The following NGEF variants were observed in gnomAD, a reference collection of about 807,000 sequenced individuals.
NGEF encodes the protein neuronal guanine nucleotide exchange factor.
In NGEF, 31 loss-of-function variants were observed where a neutral mutation model predicts 80.9. The observed-to-expected ratio is 0.38, with a 90% CI of 0.29 to 0.52. The LOEUF is 0.52. NGEF is among the 20% of genes least tolerant of loss of function. The pLI is 0.84. For synonymous variants in NGEF, 371 were observed against 370.2 expected, an observed-to-expected ratio of 1.00 and a Z score of -0.03; for missense variants, 709 against 926.2, an observed-to-expected ratio of 0.77 and a Z score of 3.04.
intron 1 of NGEF, among the ~76,000 whole-genome samples, chr2:233,006,695 A>G (rs758344914): frequency 2.0e-5 from 3 of 152,204 alleles, no homozygotes; most frequent in African/African-American, 7.2e-5. Context: ...AAATTTTGCA[A>G]GGGCCAAGAG....
chr2:232,970,463 C>T, intron 2 of NGEF, 135 bp from the exon 3 acceptor site: 1 of 581,706 alleles, frequency 1.7e-6, no homozygotes, highest in Non-Finnish European at 3.0e-6. Context: ...GTGTCCCTCC[C>T]CTCACTCCCT....
chr2:232,972,743 C>CGTT (rs1378841965), intron 2 of NGEF, among the ~76,000 whole-genome samples: 3 of 135,768 alleles, frequency 2.2e-5, no homozygotes, highest in Non-Finnish European at 4.7e-5. Flanking sequence ...ATGTCCTTAT[C>CGTT]CTTTTTTTTT....
At chr2:232,982,907 G>A (rs1350933586) in intron 1 of NGEF, among the ~76,000 whole-genome samples, 1 of 152,214 alleles carries the variant, frequency 6.6e-6, no homozygotes, top group East Asian at 1.9e-4. Context: ...TTTCTGGCTT[G>A]GCAGAAAAGT....
intron 1 of NGEF, among the ~76,000 whole-genome samples, chr2:232,992,989 GTATATATATATA>G (rs142264252): frequency 2.5e-5 from 3 of 121,296 alleles, no homozygotes; most frequent in African/African-American, 1.0e-4. Flanking sequence ...CCTGCCTGAA[GTATATATATATA>G]TATACACACA....
intron 5 of NGEF, among the ~76,000 whole-genome samples, chr2:232,907,734 A>C (rs921222676): frequency 1.3e-5 from 2 of 152,216 alleles, no homozygotes; most frequent in Admixed American, 1.3e-4. Context: ...TATAGATGAA[A>C]TGTTCTATTT....
At chr2:232,891,003 A>G (rs778336085) in intron 8 of NGEF, 177 of 484,116 alleles carry the variant, frequency 3.7e-4, no homozygotes, top group Non-Finnish European at 6.7e-4. Flanking sequence ...ACCTGCCCCC[A>G]CCAGCTCCTC....
Position 232,883,448 on chromosome 2 carries a change from A to G in NGEF, c.1620T>C (p.Phe540=). The change falls in exon 12 of 15, where the codon TTT becomes TTC. Residue 540 remains phenylalanine, a synonymous_variant. Coordinates refer to ENST00000264051, the MANE Select transcript of NGEF (RefSeq NM_019850.3). ...RQIPGDKYQV[F]DSAPRGLLRV... is the part of the protein sequence containing the mutation. ...GCAGCAGTCCCCGCGGAGCTGAGTCAAATACCTGGTACTTGTCTCTGGAGA... is the reference window on the plus strand; with the variant it reads ...GCAGCAGTCCCCGCGGAGCTGAGTCGAATACCTGGTACTTGTCTCTGGAGA... 1 of 1,604,204 alleles carries G rather than the reference A, an allele frequency of 6.2e-7. No homozygotes were observed. The highest frequency in any genetic ancestry group is 1.1e-5 in the South Asian group (1 of 89,266).
chr2:232,953,046 G>A (rs1673298938), intron 3 of NGEF, among the ~76,000 whole-genome samples: 1 of 148,048 alleles, frequency 6.8e-6, no homozygotes, highest in Admixed American at 6.8e-5. Flanking sequence ...GCTCACGCCT[G>A]TAATCCCAGC....
chr2:232,958,311 G>A (rs146976153), intron 3 of NGEF, among the ~76,000 whole-genome samples: 15 of 152,244 alleles, frequency 9.9e-5, no homozygotes, highest in African/African-American at 3.6e-4. Flanking sequence ...GAGCTGCACG[G>A]AGTGTTCATC....
intron 5 of NGEF, among the ~76,000 whole-genome samples, chr2:232,909,382 G>A (rs1692645268): frequency 6.6e-6 from 1 of 151,980 alleles, no homozygotes; most frequent in African/African-American, 2.4e-5. Context: ...CTTGCTTAAT[G>A]TATATGATTC....
chr2:232,949,375 C>T (rs547620173), intron 3 of NGEF, among the ~76,000 whole-genome samples: 1 of 152,284 alleles, frequency 6.6e-6, no homozygotes. Flanking sequence ...TCAGGATAGA[C>T]TCTGGGTCAA....
chr2:233,001,940 G>A (rs997286562), intron 1 of NGEF, among the ~76,000 whole-genome samples: 8 of 152,022 alleles, frequency 5.3e-5, no homozygotes, highest in Admixed American at 3.9e-4. Flanking sequence ...GCTTGAACCC[G>A]GGAGACGGAG....
At chr2:232,995,289 A>G (rs1229396094) in intron 1 of NGEF, among the ~76,000 whole-genome samples, 1 of 67,976 alleles carries the variant, frequency 1.5e-5, no homozygotes, top group Non-Finnish European at 2.5e-5. Flanking sequence ...CAGTATGTAT[A>G]CTGTATATGT....
At position 232,894,892 on chromosome 2, in the gene NGEF, C is replaced by T; in HGVS notation, c.853G>A (p.Glu285Lys). 1.9e-6 allele frequency: 3 copies of T among 1,596,354 alleles called. 1 individual carries two copies. Among genetic ancestry groups the T allele is most frequent in the Non-Finnish European group, 1.7e-6 (2 of 1,166,318 alleles). ...TTCAGACTCTTGTAGTAGGACGCCTCGGAAGTGACCAGCTCGAACATGGCC... is the reference window on the plus strand; with the variant it reads ...TTCAGACTCTTGTAGTAGGACGCCTTGGAAGTGACCAGCTCGAACATGGCC... ...QEAMFELVTS[E>K]ASYYKSLNLL... The change falls in exon 6 of 15, where the codon GAG becomes AAG. Residue 285 changes from glutamate to lysine, a missense_variant. This residue lies in a region of NGEF where 426 missense variants were observed against 622.9 expected (regional missense o/e 0.68). Coordinates refer to ENST00000264051, the MANE Select transcript of NGEF (RefSeq NM_019850.3).
At chr2:232,885,220 C>G in intron 10 of NGEF, 60 bp downstream of exon 10, 3 of 1,508,162 alleles carry the variant, frequency 2.0e-6, no homozygotes, top group Non-Finnish European at 2.7e-6. Flanking sequence ...ATCTGTGCCT[C>G]TGGGGCGGGG....
At chr2:232,935,775 T>C (rs1693314619) in intron 3 of NGEF, among the ~76,000 whole-genome samples, 1 of 152,232 alleles carries the variant, frequency 6.6e-6, no homozygotes, top group Non-Finnish European at 1.5e-5. Context: ...CACCAGACTA[T>C]CAAATGTTTA....
intron 3 of NGEF, among the ~76,000 whole-genome samples, chr2:232,954,395 A>C (rs1332732239): frequency 6.6e-6 from 1 of 152,110 alleles, no homozygotes; most frequent in African/African-American, 2.4e-5. Context: ...ATTTTAATCT[A>C]GGTGATGAGA....
intron 2 of NGEF, among the ~76,000 whole-genome samples, chr2:232,973,688 T>C (rs1238468163): frequency 6.6e-6 from 1 of 152,166 alleles, no homozygotes; most frequent in African/African-American, 2.4e-5. Flanking sequence ...GAGGCTGTCC[T>C]CCACCTTCCA....
intron 1 of NGEF, among the ~76,000 whole-genome samples, chr2:233,002,816 A>G (rs1308073702): frequency 1.3e-5 from 2 of 152,228 alleles, no homozygotes; most frequent in African/African-American, 4.8e-5. Context: ...AGCCTGGTCC[A>G]CTGTGAGTGG....
Sources: allele counts gnomAD v4.1 joint callset (sites outside exome capture counted in the v4.1 genomes callset), GRCh38; gene constraint gnomAD v4.1.1; regional missense constraint gnomAD v4.1.1; transcripts MANE v1.5; gene names NCBI Gene and HGNC (gene_info 2026-07-23, HGNC 2026-07-21).